Variants in HMGCLL1 observed in about 807,000 individuals in gnomAD.
HMGCLL1 encodes 3-hydroxymethyl-3-methylglutaryl-CoA lyase, cytoplasmic.
Under a neutral mutation model 39.1 loss-of-function variants are expected in HMGCLL1, and 36 were observed. That is an observed-to-expected ratio of 0.92 (90% CI 0.71 to 1.22). HMGCLL1 has a LOEUF of 1.22. HMGCLL1 is among the 50% of genes most tolerant of loss of function. HMGCLL1 has a pLI of 0.00. For missense variants in HMGCLL1, 451 were observed against 416.5 expected (o/e 1.08, Z -0.72); for synonymous variants, 149 against 144.0 (o/e 1.03, Z -0.25).
chr6:55,537,767 G>A (rs772812901), intron 3 of HMGCLL1, among the ~76,000 whole-genome samples: 1 of 152,136 alleles, frequency 6.6e-6, no homozygotes, highest in Non-Finnish European at 1.5e-5. Flanking sequence ...ACACAATTTC[G>A]GAAGCACTTC....
At chr6:55,610,369 C>A in the HMGCLL1 span, among the ~76,000 whole-genome samples, 1 of 151,632 alleles carries the variant, frequency 6.6e-6, no homozygotes, top group Non-Finnish European at 1.5e-5. Context: ...ATACACAGCA[C>A]GAGAATTTCA....
intron 7 of HMGCLL1, among the ~76,000 whole-genome samples, chr6:55,467,740 G>A (rs994623786): frequency 7.9e-5 from 12 of 152,044 alleles, no homozygotes; most frequent in African/African-American, 2.9e-4. Flanking sequence ...ATCATTCCCT[G>A]AAGATAGGTG....
At chr6:55,459,374 T>A (rs1764460773) in intron 7 of HMGCLL1, among the ~76,000 whole-genome samples, 1 of 152,128 alleles carries the variant, frequency 6.6e-6, no homozygotes, top group Non-Finnish European at 1.5e-5. Flanking sequence ...TTTAGACTGT[T>A]TAAATTGAGG....
chr6:55,645,274 T>C, the HMGCLL1 span, among the ~76,000 whole-genome samples: 1 of 152,002 alleles, frequency 6.6e-6, no homozygotes, highest in South Asian at 2.1e-4. Flanking sequence ...ACTGAATTTG[T>C]TTATCAGTTC....
At chr6:55,557,404 C>T (rs1039808110) in intron 1 of HMGCLL1, among the ~76,000 whole-genome samples, 1 of 152,078 alleles carries the variant, frequency 6.6e-6, no homozygotes, top group Non-Finnish European at 1.5e-5. Context: ...TGCTTGCCAT[C>T]AGCAACCCCA....
In HMGCLL1 at chr6:55,462,992, G is replaced by A. The variant is rs139011498; in HGVS notation, c.796-23433C>T. Among the ~76,000 whole-genome samples the A allele has an allele frequency of 4.0e-5, 6 of 151,514 alleles. No individual in the cohort carries two copies. The East Asian group carries it at 1.2e-3, about 30-fold the overall frequency. On this transcript the variant is annotated intron_variant, in intron 7 of 8. Transcript: ENST00000274901. The stretch of plus-strand genomic sequence containing the variant: ...AAAACTCACAAAGGAGTTATGCTGG[G>A]CTTTTGGTGTTGAGTCCAATCTTTT...
At chr6:55,582,690 A>T (rs1772005069), upstream of HMGCLL1, among the ~76,000 whole-genome samples, 1 of 152,178 alleles carries the variant, frequency 6.6e-6, no homozygotes, top group African/African-American at 2.4e-5. Context: ...AATTCAGAAG[A>T]TACATAAAGA....
intron 6 of HMGCLL1, 47 bp downstream of exon 6, chr6:55,499,189 T>G: frequency 7.0e-7 from 1 of 1,421,408 alleles, no homozygotes; most frequent in Non-Finnish European, 9.8e-7. Flanking sequence ...TTAAAAATAA[T>G]ATATATCATG....
At chr6:55,492,262 A>G (rs952535595) in intron 7 of HMGCLL1, among the ~76,000 whole-genome samples, 3 of 152,202 alleles carry the variant, frequency 2.0e-5, no homozygotes, top group African/African-American at 7.2e-5. Context: ...GGCCCTGTTC[A>G]TAGTGAAGTT....
At chr6:55,584,890 G>GTACA in the HMGCLL1 span, among the ~76,000 whole-genome samples, 4 of 151,904 alleles carry the variant, frequency 2.6e-5, no homozygotes, top group Admixed American at 6.6e-5. Flanking sequence ...GAGTGATGTG[G>GTACA]TACAGCCTTA....
At chr6:55,584,827 A>T in the HMGCLL1 span, among the ~76,000 whole-genome samples, 2 of 152,074 alleles carry the variant, frequency 1.3e-5, no homozygotes, top group Admixed American at 6.6e-5. Flanking sequence ...GATAAAAGAC[A>T]CATATGGTGA....
chr6:55,664,331 C>A, the HMGCLL1 span, among the ~76,000 whole-genome samples: 4 of 151,620 alleles, frequency 2.6e-5, no homozygotes, highest in Non-Finnish European at 5.9e-5. Context: ...ATTTAGTGCT[C>A]TTTGCAAGAT....
At chr6:55,568,054 A>G (rs1032780073) in intron 1 of HMGCLL1, among the ~76,000 whole-genome samples, 1 of 152,188 alleles carries the variant, frequency 6.6e-6, no homozygotes, top group African/African-American at 2.4e-5. Context: ...GAATCTAAAT[A>G]ATTCTAAAAA....
intron 5 of HMGCLL1, among the ~76,000 whole-genome samples, chr6:55,505,484 G>T (rs1055031756): frequency 6.6e-6 from 1 of 151,612 alleles, no homozygotes; most frequent in African/African-American, 2.4e-5. Context: ...TTAAGTGAAT[G>T]AACAATATAT....
At chr6:55,587,684 G>C in the HMGCLL1 span, among the ~76,000 whole-genome samples, 3 of 151,968 alleles carry the variant, frequency 2.0e-5, no homozygotes, top group Non-Finnish European at 2.9e-5. Flanking sequence ...ACACACATAG[G>C]CTCAAAATAA....
the HMGCLL1 span, among the ~76,000 whole-genome samples, chr6:55,614,194 A>G: frequency 1.3e-5 from 2 of 152,120 alleles, no homozygotes; most frequent in Non-Finnish European, 2.9e-5. Flanking sequence ...CTGTCTCTCC[A>G]AGGATTCATA....
At chr6:55,622,254 C>A in the HMGCLL1 span, among the ~76,000 whole-genome samples, 1 of 151,942 alleles carries the variant, frequency 6.6e-6, no homozygotes, top group African/African-American at 2.4e-5. Flanking sequence ...AATTTGGATG[C>A]CCTTTATTTC....
At chr6:55,457,508 T>A (rs1268631507) in intron 7 of HMGCLL1, among the ~76,000 whole-genome samples, 1 of 152,168 alleles carries the variant, frequency 6.6e-6, no homozygotes, top group African/African-American at 2.4e-5. Context: ...ATAAGAAGTT[T>A]GAGTTATTAA....
chr6:55,618,335 T>G, the HMGCLL1 span, among the ~76,000 whole-genome samples: 3 of 141,740 alleles, frequency 2.1e-5, no homozygotes, highest in Non-Finnish European at 4.7e-5. Context: ...CCAAAAAAAG[T>G]AAAAAAAAAA....
Sources: gnomAD v4.1 joint callset for allele counts (sites outside exome capture counted in the v4.1 genomes callset) on GRCh38, gnomAD v4.1.1 for gene constraint, MANE v1.5 for transcripts, NCBI Gene and HGNC (gene_info 2026-07-23, HGNC 2026-07-21) for gene names.